The following NRG4 variants were observed in gnomAD, a reference collection of about 807,000 sequenced individuals.
NRG4 encodes the protein neuregulin 4, also known as pro-neuregulin-4, membrane-bound isoform.
A neutral mutation model predicts 15.0 loss-of-function variants in NRG4; 10 were observed. The observed-to-expected ratio is 0.67, with a 90% CI of 0.41 to 1.13. The LOEUF is 1.13. Ranked by LOEUF, NRG4 falls within the 50% of genes most tolerant of loss-of-function variation. The pLI is 0.00. For synonymous variants in NRG4, 41 were observed against 50.1 expected, an observed-to-expected ratio of 0.82 and a Z score of 0.77; for missense variants, 139 against 140.2, an observed-to-expected ratio of 0.99 and a Z score of 0.04.
chr15:75,968,035 G>C (rs528383810), intron 3 of NRG4, among the ~76,000 whole-genome samples: 3 of 152,214 alleles, frequency 2.0e-5, no homozygotes, highest in Admixed American at 6.5e-5. Context: ...CAAATGGTGA[G>C]AGTAAGCAAC....
At chr15:76,015,372 T>C (rs921477737), upstream of NRG4, among the ~76,000 whole-genome samples, 3 of 152,184 alleles carry the variant, frequency 2.0e-5, no homozygotes, top group African/African-American at 4.8e-5. Flanking sequence ...GAACCTCCAA[T>C]ACTATGTTGA....
chr15:75,969,142 A>C (rs1024033979), intron 3 of NRG4: 1 of 455,392 alleles, frequency 2.2e-6, no homozygotes, highest in Non-Finnish European at 4.4e-6. Flanking sequence ...CCCAGGCTTC[A>C]GGTCTCAACA....
At chr15:76,004,467 G>GA (rs2034524416) in intron 3 of NRG4, among the ~76,000 whole-genome samples, 1 of 151,666 alleles carries the variant, frequency 6.6e-6, no homozygotes, top group African/African-American at 2.4e-5. Context: ...AGGCATGGTG[G>GA]CCATGCCTGT....
At chr15:76,002,971 T>C (rs1413821234) in intron 3 of NRG4, among the ~76,000 whole-genome samples, 2 of 152,146 alleles carry the variant, frequency 1.3e-5, no homozygotes, top group African/African-American at 4.8e-5. Flanking sequence ...TATTTACCAA[T>C]GTGACTTAAT....
chr15:76,058,441 G>C, intron 1 of NRG4, among the ~76,000 whole-genome samples: 1 of 151,088 alleles, frequency 6.6e-6, no homozygotes, highest in Non-Finnish European at 1.5e-5. Context: ...TTTGCCAAAA[G>C]TAGATACTCC....
intron 3 of NRG4, among the ~76,000 whole-genome samples, chr15:75,981,265 C>G (rs2033596630): frequency 6.6e-6 from 1 of 152,176 alleles, no homozygotes; most frequent in South Asian, 2.1e-4. Flanking sequence ...TGACTATCCT[C>G]TGGGGAGAGA....
upstream of NRG4, among the ~76,000 whole-genome samples, chr15:76,016,454 G>A (rs1341577282): frequency 6.6e-6 from 1 of 152,082 alleles, no homozygotes; most frequent in Non-Finnish European, 1.5e-5. Flanking sequence ...GATCTTTCCT[G>A]CTTTCTCTTG....
chr15:75,952,024 G>GA (rs2031930928), intron 5 of NRG4, among the ~76,000 whole-genome samples: 1 of 152,048 alleles, frequency 6.6e-6, no homozygotes, highest in South Asian at 2.1e-4. Context: ...CATATGCCTG[G>GA]AAAATCTCTA....
At chr15:76,010,216 A>G (rs1480402804) in intron 2 of NRG4, among the ~76,000 whole-genome samples, 1 of 152,154 alleles carries the variant, frequency 6.6e-6, no homozygotes, top group Non-Finnish European at 1.5e-5. Context: ...AAATTGGTGA[A>G]TATCTTATCT....
At chr15:76,015,758 T>C (rs535501892), upstream of NRG4, among the ~76,000 whole-genome samples, 48 of 152,342 alleles carry the variant, frequency 3.2e-4, no homozygotes, top group Middle Eastern at 3.4e-3. Context: ...CAATATTTTA[T>C]TGAATATTTT....
intron 1 of NRG4, among the ~76,000 whole-genome samples, chr15:76,057,942 A>C (rs964753020): frequency 1.3e-5 from 2 of 151,978 alleles, no homozygotes; most frequent in Non-Finnish European, 2.9e-5. Context: ...TTTTATTAGG[A>C]TACAAAGATT....
At chr15:76,005,848 A>T (rs1443258778) in intron 3 of NRG4, 1 of 396,342 alleles carries the variant, frequency 2.5e-6, no homozygotes, top group East Asian at 7.1e-5. Context: ...GGCAGGCAAC[A>T]TAACACAAAG....
chr15:75,949,201 C>T (rs1478793502), intron 5 of NRG4, among the ~76,000 whole-genome samples: 1 of 152,078 alleles, frequency 6.6e-6, no homozygotes, highest in Non-Finnish European at 1.5e-5. Context: ...CACATGAGAC[C>T]AGAAGTTCGA....
rs1234576061 is a variant in NRG4, at chr15:75,943,035, G to A, written c.*603C>T. On this transcript the variant is annotated 3_prime_UTR_variant, in exon 6 of 6. Coordinates refer to ENST00000394907, the MANE Select transcript of NRG4 (RefSeq NM_138573.4). ...TGCACCTAGAATTAGTCAATCTTTT[G>A]CAGTCAAAATTTTGGGTTTTTGTTT... 1 of 152,168 alleles carries A rather than the reference G, an allele frequency of 6.6e-6. No individual in the cohort carries two copies. The highest frequency in any genetic ancestry group is 1.5e-5 in the Non-Finnish European group (1 of 68,040). The allele number at this position is 152,168 out of a possible 1,614,324, so 9.4% of individuals were successfully genotyped here.
rs1254138831 is a variant in NRG4 at position 75,990,684 on chromosome 15, GT to G, written c.104+18515del. 3.6e-3 allele frequency among the ~76,000 whole-genome samples: 366 copies of G among 102,236 alleles called. 1 individual carries two copies. Among genetic ancestry groups the G allele is most frequent in the African/African-American group, 9.7e-3 (286 of 29,482 alleles). 67.1% of individuals were successfully genotyped at this position (102,236 alleles called of 152,430 possible). A position where few individuals can be genotyped will look rare whatever the true frequency, so the allele number is the denominator to read the frequency against. On this transcript the variant is annotated intron_variant, in intron 3 of 5. Transcript: ENST00000394907. Reference sequence around the variant, plus strand: ...TAGTTGGTAATTGTTTTTTTTTTTTGTTTTTTTTTTTTTTGAGACAGGGTCT... The same window carrying G: ...TAGTTGGTAATTGTTTTTTTTTTTTGTTTTTTTTTTTTTGAGACAGGGTCT...
chr15:75,952,560 A>AT lies in NRG4; in HGVS notation c.331+3371dup, dbSNP rs60066418. Among the ~76,000 whole-genome samples the AT allele has an allele frequency of 5.2e-3, 781 of 149,274 alleles. 10 individuals carry two copies. Among genetic ancestry groups the AT allele is most frequent in the African/African-American group, 0.018 (738 of 40,510 alleles). ...CTATGTGCTACGAACATTCATGTGC[A>AT]TTTTTTTTTCTTTTTTTTCGCCCTC... On this transcript the variant is annotated intron_variant, in intron 5 of 5. Transcript: ENST00000394907.
At chr15:76,040,356 A>G (rs965076370) in intron 4 of NRG4, among the ~76,000 whole-genome samples, 1 of 152,188 alleles carries the variant, frequency 6.6e-6, no homozygotes, top group African/African-American at 2.4e-5. Flanking sequence ...GGAGAAATAA[A>G]GATTCTCCCA....
At chr15:75,951,955 G>T (rs2031926287) in intron 5 of NRG4, among the ~76,000 whole-genome samples, 1 of 152,048 alleles carries the variant, frequency 6.6e-6, no homozygotes, top group African/African-American at 2.4e-5. Context: ...TTTGCCTGAA[G>T]GACTTCCTTT....
At position 75,961,958 on chromosome 15, in the gene NRG4, T is replaced by C. The variant is rs1417066228; in HGVS notation, c.121A>G (p.Thr41Ala). 6.2e-7 allele frequency: 1 copy of C among 1,612,178 alleles called. No homozygotes were observed. The highest frequency in any genetic ancestry group is 2.2e-5 in the East Asian group (1 of 44,830). The change falls in exon 4 of 6, where the codon ACA becomes GCA. Residue 41 changes from threonine (T) to alanine (A), a missense_variant. Transcript: ENST00000394907. ...SPFCRCVENY[T>A]GARCEEVFLP... ...AAAACCTCTTCACAACGAGCTCCTG[T>C]ATAGTTTTCAACGCACCTACAGAAT...
Sources: gnomAD v4.1 joint callset for allele counts (sites outside exome capture counted in the v4.1 genomes callset) on GRCh38, gnomAD v4.1.1 for gene constraint, MANE v1.5 for transcripts, NCBI Gene and HGNC (gene_info 2026-07-23, HGNC 2026-07-21) for gene names.